KIAA0513: variants seen among roughly 807,000 people sequenced by gnomAD.
KIAA0513 encodes the protein KIAA0513, also known as uncharacterized protein KIAA0513.
In KIAA0513, 39 loss-of-function variants were observed where a neutral mutation model predicts 56.5. The ratio of observed to expected loss-of-function variants is 0.69; its 90% confidence interval spans 0.53 to 0.90. The LOEUF is 0.90. Ranked by LOEUF, KIAA0513 falls within the 40% of genes least tolerant of loss-of-function variation. The pLI is 0.00. For synonymous variants in KIAA0513, 268 were observed against 215.6 expected (o/e 1.24, Z -2.13); for missense variants, 591 against 535.2 (o/e 1.10, Z -1.03).
chr16:85,074,857 C>A (rs984521505), intron 4 of KIAA0513, among the ~76,000 whole-genome samples: 26 of 152,240 alleles, frequency 1.7e-4, no homozygotes, highest in African/African-American at 6.3e-4. Flanking sequence ...TTCTAATTCT[C>A]CATTTTCTTT....
chr16:85,068,970 A>G (rs1026799030), intron 2 of KIAA0513, among the ~76,000 whole-genome samples: 19 of 152,158 alleles, frequency 1.2e-4, no homozygotes, highest in Non-Finnish European at 2.8e-4. Flanking sequence ...CACTGAAATT[A>G]AATATAGGGC....
intron 1 of KIAA0513, among the ~76,000 whole-genome samples, chr16:85,037,261 G>A (rs557439652): frequency 6.6e-6 from 1 of 152,094 alleles, no homozygotes; most frequent in African/African-American, 2.4e-5. Context: ...AGTGACCAAT[G>A]AGCTAGGGGA....
intron 1 of KIAA0513, among the ~76,000 whole-genome samples, chr16:85,051,480 C>T (rs936864093): frequency 6.6e-6 from 1 of 152,184 alleles, no homozygotes; most frequent in Non-Finnish European, 1.5e-5. Flanking sequence ...TGTTAACAAG[C>T]AGACATCCCC....
chr16:85,061,620 A>G (rs2073406315), intron 1 of KIAA0513, among the ~76,000 whole-genome samples: 1 of 152,334 alleles, frequency 6.6e-6, no homozygotes, highest in Middle Eastern at 3.4e-3. Flanking sequence ...AGAAAGTTCC[A>G]GATTCTCCCT....
chr16:85,030,289 A>T (rs2072945553), intron 1 of KIAA0513, among the ~76,000 whole-genome samples: 1 of 152,212 alleles, frequency 6.6e-6, no homozygotes, highest in Non-Finnish European at 1.5e-5. Flanking sequence ...GCAAGAGAGC[A>T]CGCAGTTCTC....
chr16:85,037,106 GAC>G (rs2073045968), intron 1 of KIAA0513, among the ~76,000 whole-genome samples: 1 of 152,058 alleles, frequency 6.6e-6, no homozygotes, highest in Non-Finnish European at 1.5e-5. Context: ...TTCTCTTCAT[GAC>G]TAAGTCCATG....
At chr16:85,083,750 C>G (rs1439729890) in intron 10 of KIAA0513, among the ~76,000 whole-genome samples, 1 of 152,256 alleles carries the variant, frequency 6.6e-6, no homozygotes, top group African/African-American at 2.4e-5. Context: ...GCCCCTGAGC[C>G]TTCCCCAGAA....
At chr16:85,031,904 G>A (rs1226699479) in intron 1 of KIAA0513, among the ~76,000 whole-genome samples, 4 of 152,154 alleles carry the variant, frequency 2.6e-5, no homozygotes, top group Non-Finnish European at 5.9e-5. Flanking sequence ...ACTAGAGACG[G>A]TGAAACCTAG....
chr16:85,067,853 C>A (rs1157591678), intron 2 of KIAA0513, among the ~76,000 whole-genome samples: 2 of 152,096 alleles, frequency 1.3e-5, no homozygotes, highest in East Asian at 3.9e-4. Flanking sequence ...GTCTGTCACC[C>A]AGGCTGGAGT....
Position 85,081,510 on chromosome 16 carries a change from T to C in KIAA0513, c.980+118T>C. 1.1e-6 allele frequency: 1 copy of C among 924,214 alleles called. No homozygotes were observed. Among genetic ancestry groups the C allele is most frequent in the African/African-American group, 1.6e-5 (1 of 61,038 alleles). 57.3% of individuals were successfully genotyped at this position (924,214 alleles called of 1,614,324 possible). On this transcript the variant is annotated intron_variant, in intron 9 of 12. Transcript: ENST00000683363. This position sits in a 1 kb window ranked among gnomAD's most constrained non-coding sequence, Gnocchi z 4.4. ...GCTGAGTGGACGTGTCTGTTTTTTCTTCACCCCCTCATGGCCCTGGTGCCT... is the reference window on the plus strand; with the variant it reads ...GCTGAGTGGACGTGTCTGTTTTTTCCTCACCCCCTCATGGCCCTGGTGCCT...
At chr16:85,029,629 T>G (rs2072935452) in intron 1 of KIAA0513, among the ~76,000 whole-genome samples, 1 of 152,138 alleles carries the variant, frequency 6.6e-6, no homozygotes, top group Non-Finnish European at 1.5e-5. Context: ...TGCTTCTCTC[T>G]CCTCCCACCT....
chr16:85,050,659 C>A (rs898456389), intron 1 of KIAA0513, among the ~76,000 whole-genome samples: 1 of 152,194 alleles, frequency 6.6e-6, no homozygotes, highest in African/African-American at 2.4e-5. Flanking sequence ...CTTCCCTCCC[C>A]AATCCCCTGG....
intron 1 of KIAA0513, among the ~76,000 whole-genome samples, chr16:85,030,882 T>C (rs1445069454): frequency 6.6e-6 from 1 of 152,166 alleles, no homozygotes; most frequent in African/African-American, 2.4e-5. Flanking sequence ...CAGTAAATGT[T>C]TCGGCAAGTC....
chr16:85,028,098 G>A (rs1455610587), intron 1 of KIAA0513, among the ~76,000 whole-genome samples: 1 of 152,194 alleles, frequency 6.6e-6, no homozygotes, highest in Non-Finnish European at 1.5e-5. Context: ...AAAGGGAATA[G>A]GGGAAGGTCG....
At chr16:85,035,943 C>G (rs2073030250) in intron 1 of KIAA0513, among the ~76,000 whole-genome samples, 1 of 148,440 alleles carries the variant, frequency 6.7e-6, no homozygotes. Context: ...CGTGCCACTG[C>G]ACTCCAGCCT....
rs2073815773 is a variant in KIAA0513, at chr16:85,086,907, G to A, written c.1092-165G>A. On this transcript the variant is annotated intron_variant, in intron 11 of 12. Coordinates refer to ENST00000683363, the MANE Select transcript of KIAA0513 (RefSeq NM_001388359.1). ...TCCTACACGACCCCTGGTGGCCACA[G>A]TGCCACAGTGAGAGTTGCTGGTGGC... The A allele has an allele frequency of 6.1e-6, 5 of 820,926 alleles. No homozygotes were observed. In the South Asian group the frequency reaches 6.8e-5, roughly 11 times the overall value. The allele number at this position is 820,926 out of a possible 1,614,324, so 50.9% of individuals were successfully genotyped here.
At chr16:85,077,904 C>T (rs140007581) in intron 6 of KIAA0513, among the ~76,000 whole-genome samples, 72 of 152,292 alleles carry the variant, frequency 4.7e-4, no homozygotes, top group Admixed American at 1.8e-3. Context: ...TGCAGCCCTC[C>T]CTTCTGTCTC....
At chr16:85,073,886 T>G (rs2073616138) in intron 4 of KIAA0513, among the ~76,000 whole-genome samples, 1 of 152,220 alleles carries the variant, frequency 6.6e-6, no homozygotes, top group African/African-American at 2.4e-5. Flanking sequence ...CTTCCAGGCC[T>G]GAAAAATATC....
intron 1 of KIAA0513, among the ~76,000 whole-genome samples, chr16:85,054,481 A>G (rs2073300696): frequency 6.9e-6 from 1 of 145,682 alleles, no homozygotes; most frequent in Non-Finnish European, 1.5e-5. Context: ...CCCAGGCTGA[A>G]GTGCAGTGGC....
Sources: allele counts gnomAD v4.1 joint callset (sites outside exome capture counted in the v4.1 genomes callset), GRCh38; gene constraint gnomAD v4.1.1; non-coding constraint Gnocchi (gnomAD v3.1); transcripts MANE v1.5; gene names NCBI Gene and HGNC (gene_info 2026-07-23, HGNC 2026-07-21).